TNRC6B: variants seen among roughly 807,000 people sequenced by gnomAD.
TNRC6B encodes trinucleotide repeat containing adaptor 6B, also known as trinucleotide repeat-containing gene 6B protein.
TNRC6B carries 52 observed loss-of-function variants against 203.6 expected under a neutral mutation model. That is an observed-to-expected ratio of 0.26 (90% confidence interval 0.20 to 0.32). The LOEUF is 0.32. TNRC6B is among the 10% of genes least tolerant of loss of function. The probability of loss-of-function intolerance (pLI) is 1.00; values close to 1 mark genes in which losing one functional copy is unlikely to be tolerated. For missense variants in TNRC6B, 1,923 were observed against 2,286.2 expected (o/e 0.84, Z 3.24); for synonymous variants, 838 against 845.7 (o/e 0.99, Z 0.16).
At chr22:40,318,604 T>G (rs2046512998) in intron 21 of TNRC6B, among the ~76,000 whole-genome samples, 1 of 152,072 alleles carries the variant, frequency 6.6e-6, no homozygotes, top group African/African-American at 2.4e-5. Context: ...AATAGTTGAC[T>G]GAAATATGAA....
chr22:40,091,566 A>G (rs1204626296), intron 1 of TNRC6B, among the ~76,000 whole-genome samples: 1 of 152,186 alleles, frequency 6.6e-6, no homozygotes, highest in African/African-American at 2.4e-5. Context: ...TGGGACTGTT[A>G]CTAATGTTTT....
chr22:40,240,759 G>C (rs1307999688), intron 1 of TNRC6B, among the ~76,000 whole-genome samples: 1 of 152,198 alleles, frequency 6.6e-6, no homozygotes, highest in Non-Finnish European at 1.5e-5. Flanking sequence ...AGCAATTGAT[G>C]ATCAAGTAGG....
At chr22:40,090,603 A>T (rs1361884078) in intron 1 of TNRC6B, among the ~76,000 whole-genome samples, 1 of 152,072 alleles carries the variant, frequency 6.6e-6, no homozygotes, top group Non-Finnish European at 1.5e-5. Context: ...TATCAGATGT[A>T]TCTTTGTATT....
intron 22 of TNRC6B, among the ~76,000 whole-genome samples, chr22:40,322,323 C>A (rs1010339990): frequency 2.0e-5 from 3 of 152,208 alleles, no homozygotes; most frequent in Admixed American, 1.3e-4. Flanking sequence ...CATCCTCCAC[C>A]AGAGTGGTGC....
chr22:40,221,752 C>CT (rs1555890903), intron 1 of TNRC6B, among the ~76,000 whole-genome samples: 1 of 79,318 alleles, frequency 1.3e-5, no homozygotes, highest in Non-Finnish European at 2.7e-5. Flanking sequence ...CTTCTTATTG[C>CT]CCCCCCCCCT....
chr22:40,332,914 C>T lies in TNRC6B; in HGVS notation c.*9673C>T, dbSNP rs1001346546. The T allele has an allele frequency of 1.3e-5, 2 of 152,532 alleles. No homozygotes were observed. Among genetic ancestry groups the T allele is most frequent in the African/African-American group, 4.8e-5 (2 of 41,420 alleles). The allele number at this position is 152,532 out of a possible 1,614,324, so 9.4% of individuals were successfully genotyped here. On this transcript the variant is annotated 3_prime_UTR_variant, in exon 23 of 23. Coordinates refer to ENST00000454349, the MANE Select transcript of TNRC6B (RefSeq NM_001162501.2). ...TATTTTTTTGGTTTTTGTTTTTAAG[C>T]CATCAGAAGTTTCAGATCTTTACTC...
At chr22:40,250,609 C>T (rs2070178513) in intron 2 of TNRC6B, among the ~76,000 whole-genome samples, 1 of 152,166 alleles carries the variant, frequency 6.6e-6, no homozygotes, top group South Asian at 2.1e-4. Context: ...TTAATCCTTA[C>T]AGCAGTCCTT....
intron 1 of TNRC6B, among the ~76,000 whole-genome samples, chr22:40,049,723 C>G (rs994870473): frequency 6.6e-6 from 1 of 152,138 alleles, no homozygotes; most frequent in African/African-American, 2.4e-5. Context: ...CCTGCCTTAG[C>G]CTCCCAAGTA....
intron 1 of TNRC6B, among the ~76,000 whole-genome samples, chr22:40,064,630 CTTTT>C (rs2067880296): frequency 2.7e-5 from 2 of 73,660 alleles, no homozygotes; most frequent in South Asian, 4.6e-4. Context: ...TTTTTTTTTT[CTTTT>C]TGAGACAGGG....
At chr22:40,130,612 T>G (rs1408834648) in intron 3 of TNRC6B, among the ~76,000 whole-genome samples, 1 of 149,832 alleles carries the variant, frequency 6.7e-6, no homozygotes, top group Non-Finnish European at 1.5e-5. Flanking sequence ...AAACTCCGTC[T>G]CTACTAAAAA....
chr22:40,118,981 A>G (rs2068417452), intron 2 of TNRC6B, among the ~76,000 whole-genome samples: 1 of 152,236 alleles, frequency 6.6e-6, no homozygotes, highest in Non-Finnish European at 1.5e-5. Flanking sequence ...ACAGTCTGCC[A>G]TATTGGCAAA....
In TNRC6B at chr22:40,329,389, G is replaced by A. The variant is rs1157593154; in HGVS notation, c.*6148G>A. The A allele has an allele frequency of 1.3e-5, 2 of 151,990 alleles. No individual in the cohort carries two copies. Among genetic ancestry groups the A allele is most frequent in the Non-Finnish European group, 2.9e-5 (2 of 68,004 alleles). The allele number at this position is 151,990 out of a possible 1,614,324, so 9.4% of individuals were successfully genotyped here. A position where few individuals can be genotyped will look rare whatever the true frequency, so the allele number is the denominator to read the frequency against. ...TGTGGGTTTGTGGCCAGCGCCAAAG[G>A]TGTGTGTATTTTCAGAAATGGTCCC... On this transcript the variant is annotated 3_prime_UTR_variant, in exon 23 of 23. Coordinates refer to ENST00000454349, the MANE Select transcript of TNRC6B (RefSeq NM_001162501.2).
chr22:40,069,911 G>A (rs1179544891), intron 1 of TNRC6B, among the ~76,000 whole-genome samples: 1 of 152,122 alleles, frequency 6.6e-6, no homozygotes. Context: ...TTTCTGGCAT[G>A]TTAGTTGTGT....
chr22:40,061,647 T>A (rs1028889769), intron 1 of TNRC6B, among the ~76,000 whole-genome samples: 1 of 152,216 alleles, frequency 6.6e-6, no homozygotes, highest in Non-Finnish European at 1.5e-5. Context: ...TCCCTATTTT[T>A]AAATTTCATT....
chr22:40,282,142 C>T (rs2070727448), intron 11 of TNRC6B, among the ~76,000 whole-genome samples: 1 of 152,224 alleles, frequency 6.6e-6, no homozygotes, highest in African/African-American at 2.4e-5. Flanking sequence ...GTTAATTATA[C>T]AACTTGTAAT....
intron 1 of TNRC6B, among the ~76,000 whole-genome samples, chr22:40,209,023 G>A (rs2069523695): frequency 1.3e-5 from 2 of 152,130 alleles, no homozygotes; most frequent in Non-Finnish European, 2.9e-5. Flanking sequence ...ATTTTTATCA[G>A]AGCAACAATA....
At chr22:40,252,215 T>C (rs1374442084) in intron 3 of TNRC6B, among the ~76,000 whole-genome samples, 2 of 152,218 alleles carry the variant, frequency 1.3e-5, no homozygotes, top group African/African-American at 4.8e-5. Context: ...ATAAGAATCA[T>C]TTGCATAAAA....
chr22:40,248,196 G>C (rs528740015), intron 2 of TNRC6B, among the ~76,000 whole-genome samples: 3 of 152,222 alleles, frequency 2.0e-5, no homozygotes, highest in Non-Finnish European at 4.4e-5. Context: ...CCAGCTGTGG[G>C]TGTTTGTAGC....
chr22:40,165,301 G>T (rs1390769089), intron 4 of TNRC6B, among the ~76,000 whole-genome samples: 1 of 151,830 alleles, frequency 6.6e-6, no homozygotes, highest in African/African-American at 2.4e-5. Context: ...TTTAGCCTCT[G>T]GAGTAGCTAG....
Sources: allele counts gnomAD v4.1 joint callset (sites outside exome capture counted in the v4.1 genomes callset), GRCh38; gene constraint gnomAD v4.1.1; transcripts MANE v1.5; gene names NCBI Gene and HGNC (gene_info 2026-07-23, HGNC 2026-07-21).